The following HORMAD2 variants were observed in gnomAD, a reference collection of about 807,000 sequenced individuals.
HORMAD2 encodes the protein HORMA domain-containing protein 2.
A neutral mutation model predicts 38.8 loss-of-function variants in HORMAD2; 45 were observed. The observed-to-expected ratio is 1.16, with a 90% CI of 0.91 to 1.49. HORMAD2 has a LOEUF of 1.49. Among genes scored for constraint, HORMAD2 ranks in the 40% most tolerant of loss-of-function variants. The pLI is 0.00. For missense variants in HORMAD2, 338 were observed against 367.0 expected (o/e 0.92, Z 0.65); for synonymous variants, 126 against 122.8 (o/e 1.03, Z -0.17).
intron 10 of HORMAD2, among the ~76,000 whole-genome samples, chr22:30,174,908 G>C (rs959895404): frequency 2.6e-5 from 4 of 152,030 alleles, no homozygotes; most frequent in African/African-American, 9.7e-5. Flanking sequence ...TTGAGGGGCT[G>C]CTCTATATCT....
chr22:30,191,797 T>C, the HORMAD2 span, among the ~76,000 whole-genome samples: 2 of 152,226 alleles, frequency 1.3e-5, no homozygotes, highest in African/African-American at 4.8e-5. Context: ...AGCTCTGAAT[T>C]TTGATTTGTC....
At chr22:30,180,265 G>A (rs1031787835), downstream of HORMAD2, among the ~76,000 whole-genome samples, 1 of 152,136 alleles carries the variant, frequency 6.6e-6, no homozygotes, top group African/African-American at 2.4e-5. Flanking sequence ...GGCAGGAGTG[G>A]AGAGGCAGGC....
At chr22:30,193,852 G>T in the HORMAD2 span, among the ~76,000 whole-genome samples, 822 of 152,284 alleles carry the variant, frequency 5.4e-3, 3 homozygotes, top group Admixed American at 9.1e-3. Flanking sequence ...AAGATCTTCT[G>T]TGACAGCTGG....
At chr22:30,196,250 G>A in the HORMAD2 span, among the ~76,000 whole-genome samples, 1 of 152,206 alleles carries the variant, frequency 6.6e-6, no homozygotes, top group Non-Finnish European at 1.5e-5. Context: ...TTCAGCCGGA[G>A]ACTTGAGGCA....
rs12166746 is a variant in HORMAD2 at position 30,091,468 on chromosome 22, G to T, written c.-37-2448G>T. Among the ~76,000 whole-genome samples, 585 of 151,832 alleles carry T rather than the reference G, an allele frequency of 3.9e-3. 7 individuals carry two copies. The highest frequency in any genetic ancestry group is 0.014 in the African/African-American group (567 of 41,404). On this transcript the variant is annotated intron_variant, in intron 1 of 10. Transcript: ENST00000336726. The stretch of plus-strand genomic sequence containing the variant: ...TTTTGTACAGATAGGGTTTCACCAT[G>T]TTGCCTAGGCTGGTCTTGAACTCCT...
intron 10 of HORMAD2, among the ~76,000 whole-genome samples, chr22:30,131,694 A>T (rs1045690545): frequency 3.3e-5 from 5 of 152,204 alleles, no homozygotes; most frequent in Non-Finnish European, 5.9e-5. Flanking sequence ...TCCCAAACAT[A>T]CACACTCTAT....
At chr22:30,162,736 T>C (rs1412077327) in intron 10 of HORMAD2, among the ~76,000 whole-genome samples, 1 of 148,120 alleles carries the variant, frequency 6.8e-6, no homozygotes, top group Non-Finnish European at 1.5e-5. Flanking sequence ...AGAGTCTTGC[T>C]CTGTCGCCCA....
chr22:30,203,463 G>A, the HORMAD2 span, among the ~76,000 whole-genome samples: 2 of 151,086 alleles, frequency 1.3e-5, no homozygotes, highest in East Asian at 1.9e-4. Context: ...AGGAGGTCTC[G>A]AAAAACATCT....
chr22:30,183,056 C>T, the HORMAD2 span, among the ~76,000 whole-genome samples: 1 of 152,204 alleles, frequency 6.6e-6, no homozygotes, highest in African/African-American at 2.4e-5. Context: ...TTCTTTCCCT[C>T]CCTTTTAAAC....
chr22:30,197,764 A>T, the HORMAD2 span, among the ~76,000 whole-genome samples: 3 of 152,128 alleles, frequency 2.0e-5, no homozygotes, highest in East Asian at 5.8e-4. Flanking sequence ...AAAAGATACC[A>T]ATAATGAGTT....
At chr22:30,120,818 G>T (rs1922372863) in intron 8 of HORMAD2, among the ~76,000 whole-genome samples, 1 of 152,144 alleles carries the variant, frequency 6.6e-6, no homozygotes, top group Non-Finnish European at 1.5e-5. Flanking sequence ...ATAAATTTAG[G>T]ACAGTCAGGA....
intron 1 of HORMAD2, among the ~76,000 whole-genome samples, chr22:30,083,482 C>G (rs1246159695): frequency 2.6e-5 from 4 of 152,190 alleles, no homozygotes; most frequent in Non-Finnish European, 4.4e-5. Context: ...AGAATGCATG[C>G]TCTCTAGAGT....
chr22:30,166,947 C>T (rs1925819928), intron 10 of HORMAD2, among the ~76,000 whole-genome samples: 1 of 152,156 alleles, frequency 6.6e-6, no homozygotes, highest in African/African-American at 2.4e-5. Context: ...GATTAGCTCC[C>T]TTGGTTGCTG....
At chr22:30,129,665 A>C (rs1204794627) in intron 10 of HORMAD2, among the ~76,000 whole-genome samples, 1 of 152,034 alleles carries the variant, frequency 6.6e-6, no homozygotes, top group Non-Finnish European at 1.5e-5. Context: ...GGAAAGTTTC[A>C]TTAAGTTGGT....
intron 3 of HORMAD2, 64 bp from the exon 4 acceptor site, chr22:30,103,373 A>G (rs1250941714): frequency 9.1e-6 from 8 of 879,066 alleles, no homozygotes; most frequent in African/African-American, 6.7e-5. Context: ...CCTATTTAGC[A>G]TGGACAATTT....
chr22:30,118,982 G>A lies in HORMAD2; in HGVS notation c.345G>A (p.Lys115=), dbSNP rs1922245704. The change falls in exon 8 of 11, where the codon AAG becomes AAA. Residue 115 remains lysine (K), a splice_region_variant and synonymous_variant. Coordinates refer to ENST00000336726, the MANE Select transcript of HORMAD2 (RefSeq NM_152510.4). The part of the protein sequence containing the change: ...TLYTDPMGSE[K]VTEMYQFKFK... ...TTTATTTCCTTTGGTTTTTGTAGAAGGTGACTGAGATGTACCAGTTCAAAT... is the reference window on the plus strand; with the variant it reads ...TTTATTTCCTTTGGTTTTTGTAGAAAGTGACTGAGATGTACCAGTTCAAAT... 1.3e-6 allele frequency: 2 copies of A among 1,577,766 alleles called. No homozygotes were observed. The highest frequency in any genetic ancestry group is 1.8e-5 in the Admixed American group (1 of 54,600).
At chr22:30,164,680 G>A (rs1462447894) in intron 10 of HORMAD2, among the ~76,000 whole-genome samples, 1 of 152,044 alleles carries the variant, frequency 6.6e-6, no homozygotes, top group African/African-American at 2.4e-5. Flanking sequence ...TATTTTAAGA[G>A]ACAGCGTCTC....
At chr22:30,087,848 C>T (rs906183416) in intron 1 of HORMAD2, among the ~76,000 whole-genome samples, 1 of 152,180 alleles carries the variant, frequency 6.6e-6, no homozygotes, top group Non-Finnish European at 1.5e-5. Flanking sequence ...CCAGATGATC[C>T]AGTTATCTCC....
the HORMAD2 span, among the ~76,000 whole-genome samples, chr22:30,200,523 TTTATC>T: frequency 6.6e-6 from 1 of 152,048 alleles, no homozygotes; most frequent in East Asian, 1.9e-4. Flanking sequence ...TTTTGGGGTG[TTTATC>T]TTGTGTCCAG....
Sources: allele counts gnomAD v4.1 joint callset (sites outside exome capture counted in the v4.1 genomes callset), GRCh38; gene constraint gnomAD v4.1.1; transcripts MANE v1.5; gene names NCBI Gene and HGNC (gene_info 2026-07-23, HGNC 2026-07-21).